The following NRAP variants were observed in gnomAD, a reference collection of about 807,000 sequenced individuals.
NRAP encodes nebulin-related-anchoring protein.
NRAP carries 189 observed loss-of-function variants against 225.9 expected under a neutral mutation model. The observed-to-expected ratio is 0.84, with a 90% CI of 0.74 to 0.94. NRAP has a LOEUF of 0.94. NRAP is among the 40% of genes least tolerant of loss of function. NRAP has a pLI of 0.00. For synonymous variants in NRAP, 769 were observed against 790.7 expected (o/e 0.97, Z 0.46); for missense variants, 2,176 against 2,168.7 (o/e 1.00, Z -0.07).
intron 14 of NRAP, among the ~76,000 whole-genome samples, chr10:113,638,321 C>A (rs954925216): frequency 1.3e-5 from 2 of 152,246 alleles, no homozygotes; most frequent in African/African-American, 4.8e-5. Flanking sequence ...CTTCAGTCTA[C>A]ATTTTGAAGG....
At chr10:113,641,829 G>A (rs914710615) in intron 12 of NRAP, among the ~76,000 whole-genome samples, 7 of 152,118 alleles carry the variant, frequency 4.6e-5, no homozygotes, top group African/African-American at 7.2e-5. Flanking sequence ...CTGACTATGC[G>A]GACGTCACAT....
chr10:113,608,517 AT>A lies in NRAP; in HGVS notation c.3604-6del, dbSNP rs778103274. ...GGGATGCTGCCGATATTTACTCTGA[AT>A]TCACACACAAGAAGGGAAGAAGACG... On this transcript the variant is annotated splice_region_variant and splice_polypyrimidine_tract_variant and intron_variant, in intron 31 of 41. Coordinates refer to ENST00000359988, the MANE Select transcript of NRAP (RefSeq NM_198060.4). 25 of 1,589,218 alleles carry A rather than the reference AT, an allele frequency of 1.6e-5. No individual in the cohort carries two copies. Among genetic ancestry groups the A allele is most frequent in the Non-Finnish European group, 2.1e-5 (24 of 1,158,960 alleles).
rs1846952110 is a variant in NRAP at position 113,606,172 on chromosome 10, GCTTA to G, written c.3807+2_3807+5del. 6.2e-7 allele frequency: 1 copy of G among 1,603,452 alleles called. No individual in the cohort carries two copies. Among genetic ancestry groups the G allele is most frequent in the African/African-American group, 1.3e-5 (1 of 74,700 alleles). On this transcript the variant is annotated splice_donor_variant and splice_donor_5th_base_variant and intron_variant, in intron 33 of 41. Coordinates refer to ENST00000359988, the MANE Select transcript of NRAP (RefSeq NM_198060.4). LOFTEE classifies it high-confidence loss of function. ...ATGCTTGAACTTAAGTAACAAAAGG[GCTTA>G]CGTCACTCAGGTTGGCTGCATTCGT...
chr10:113,652,751 G>A (rs146192618), intron 6 of NRAP, among the ~76,000 whole-genome samples, 184 bp downstream of exon 6: 47 of 152,122 alleles, frequency 3.1e-4, no homozygotes, highest in African/African-American at 1.1e-3. Flanking sequence ...TTATAGACAT[G>A]GTCCAATCAC....
chr10:113,596,729 A>C (rs184011631), intron 37 of NRAP, among the ~76,000 whole-genome samples: 2 of 152,366 alleles, frequency 1.3e-5, no homozygotes, highest in East Asian at 3.9e-4. Context: ...TATGAATCAA[A>C]CCATGATAAG....
intron 4 of NRAP, among the ~76,000 whole-genome samples, chr10:113,656,968 A>G (rs994129000): frequency 6.6e-6 from 1 of 152,150 alleles, no homozygotes. Context: ...ATAAATGGCT[A>G]AGGAATTCTG....
chr10:113,645,862 A>C lies in NRAP; in HGVS notation c.1073T>G (p.Leu358Arg). The change falls in exon 11 of 42, where the codon CTC becomes CGC. Residue 358 changes from leucine to arginine, a missense_variant. Leu to Arg is a moderately radical substitution (Grantham distance 102). Around this residue, in one of 3 missense-constraint regions of NRAP, gnomAD observed 1,708 missense variants for 1,695.5 expected, o/e 1.01. Coordinates refer to ENST00000359988, the MANE Select transcript of NRAP (RefSeq NM_198060.4). ...HSLPAQDNLV[L>R]KQAQSVNKLV... ...TTTGTTTACGCTCTGAGCCTGTTTG[A>C]GAACCAAGTTGTCTTGAGCTGGAAG... 1 of 1,610,316 alleles carries C rather than the reference A, an allele frequency of 6.2e-7. No individual in the cohort carries two copies. Among genetic ancestry groups the C allele is most frequent in the Admixed American group, 1.7e-5 (1 of 59,606 alleles).
Position 113,589,076 on chromosome 10 carries a change from C to T in NRAP, c.5092G>A (p.Gly1698Arg), listed in dbSNP as rs150551078. The T allele has an allele frequency of 1.2e-6, 2 of 1,613,578 alleles. No individual in the cohort carries two copies. Among genetic ancestry groups the T allele is most frequent in the Admixed American group, 1.7e-5 (1 of 59,982 alleles). Residue 1698 changes from glycine (G) to arginine (R), a missense_variant, in exon 42 of 42, where the codon GGG becomes AGG. Transcript: ENST00000359988. ...TCTCCAGCCTCCACTGCTTCTGCCC[C>T]CCGCTGCTGAAATCAAACATACCCC... ...RGLGLQGAYRGAEAVEAGDHQ... is the reference protein window; with the variant it reads ...RGLGLQGAYRRAEAVEAGDHQ...
At chr10:113,650,947 G>A (rs1410101278) in intron 7 of NRAP, among the ~76,000 whole-genome samples, 1 of 152,220 alleles carries the variant, frequency 6.6e-6, no homozygotes, top group Non-Finnish European at 1.5e-5. Context: ...GTGCTTCAAT[G>A]TCCCATTCAG....
Position 113,663,354 on chromosome 10 carries a change from G to T in NRAP, c.165C>A (p.His55Gln), listed in dbSNP as rs368568446. 8 of 1,594,368 alleles carry T rather than the reference G, an allele frequency of 5.0e-6. No individual in the cohort carries two copies. In the African/African-American group the frequency reaches 5.4e-5, roughly 11 times the overall value. The change falls in exon 2 of 42, where the codon CAC becomes CAA. Residue 55 changes from histidine (H) to glutamine (Q), a missense_variant and splice_region_variant. Transcript: ENST00000359988. ...FVSHQKKPYC[H>Q]AHNPKNNTFT... ...TGGTGGGGGCATCAAACACTTACGC[G>T]TGACAGTACGGCTTTTTCTGGTGAC...
intron 37 of NRAP, among the ~76,000 whole-genome samples, chr10:113,596,546 T>C (rs1846293408): frequency 6.6e-6 from 1 of 152,220 alleles, no homozygotes; most frequent in African/African-American, 2.4e-5. Context: ...AGGGCTAAAT[T>C]ATACAGAGAG....
Position 113,645,833 on chromosome 10 carries a change from C to G in NRAP, c.1102G>C (p.Val368Leu), listed in dbSNP as rs200049312. The G allele has an allele frequency of 1.9e-6, 3 of 1,575,600 alleles. No homozygotes were observed. In the African/African-American group the frequency reaches 4.0e-5, roughly 21 times the overall value. Residue 368 changes from valine (V) to leucine (L), a missense_variant, in exon 11 of 42, where the codon GTG (valine) becomes CTG (leucine). Around this residue, in one of 3 missense-constraint regions of NRAP, gnomAD observed 1,708 missense variants for 1,695.5 expected, o/e 1.01. Transcript: ENST00000359988. The stretch of plus-strand genomic sequence containing the variant: ...TCTTCCCCCATACGCACCTCACTCA[C>G]GAGTTTGTTTACGCTCTGAGCCTGT... ...LKQAQSVNKL[V>L]SEVEYKKDLE...
At position 113,640,311 on chromosome 10, in the gene NRAP, A is replaced by G. The variant is rs769934917; in HGVS notation, c.1344T>C (p.Tyr448=). The G allele has an allele frequency of 2.5e-6, 4 of 1,593,750 alleles. No individual in the cohort carries two copies. In the East Asian group the frequency reaches 9.4e-5, roughly 37 times the overall value. The change falls in exon 14 of 42, where the codon TAT becomes TAC. Residue 448 remains tyrosine, a synonymous_variant. Coordinates refer to ENST00000359988, the MANE Select transcript of NRAP (RefSeq NM_198060.4). ...LASNVAYKAD[Y]KHDIVDYNYP... ...AGTTGTAGTCGACAATATCATGTTT[A>G]TAATCAGCTTTGTAGGCAACCTAAA...
chr10:113,629,823 A>G, intron 18 of NRAP, 38 bp from the exon 19 acceptor site: 1 of 1,395,416 alleles, frequency 7.2e-7, no homozygotes, highest in Non-Finnish European at 1.0e-6. Context: ...TTGTTAGTTG[A>G]AGCCCACCCT....
At chr10:113,591,611 A>G (rs7094978) in intron 39 of NRAP, among the ~76,000 whole-genome samples, 2 of 152,232 alleles carry the variant, frequency 1.3e-5, no homozygotes, top group South Asian at 2.1e-4. Flanking sequence ...TCCGTCTAGC[A>G]CTGTGGACAC....
At position 113,631,908 on chromosome 10, in the gene NRAP, C is replaced by T. The variant is rs139136683; in HGVS notation, c.1689G>A (p.Leu563=). 1.8e-5 allele frequency: 29 copies of T among 1,613,824 alleles called. No individual in the cohort carries two copies. The South Asian group carries it at 2.1e-4, about 12-fold the overall frequency. The change falls in exon 17 of 42, where the codon CTG becomes CTA. Residue 563 remains leucine (L), a synonymous_variant. Coordinates refer to ENST00000359988, the MANE Select transcript of NRAP (RefSeq NM_198060.4). ...KTKGKGFEMK[L]DAMSLLAAKA... ...TGGCGGCCAGCAGAGACATGGCATCCAGCTTCATCTCAAATCCTTTCCCCT... is the reference window on the plus strand; with the variant it reads ...TGGCGGCCAGCAGAGACATGGCATCTAGCTTCATCTCAAATCCTTTCCCCT...
At position 113,651,861 on chromosome 10, in the gene NRAP, G is replaced by A. The variant is rs752825681; in HGVS notation, c.617C>T (p.Thr206Met). Residue 206 changes from threonine (T) to methionine (M), a missense_variant, in exon 7 of 42, where the codon ACG becomes ATG. By Grantham distance (81) the Thr-to-Met change is moderately conservative (BLOSUM62 -1). This residue lies in a region of NRAP where 1,708 missense variants were observed against 1,695.5 expected (regional missense o/e 1.01). Coordinates refer to ENST00000359988, the MANE Select transcript of NRAP (RefSeq NM_198060.4). ...TAGCAGCTCAGGAGTATCCACCACC[G>A]TGGAGAACCTGGAGATGCGTTCATC... is the stretch of plus-strand genomic sequence containing the variant. ...GHDERISRFSTVVDTPELLRS... is the reference protein window; with the variant it reads ...GHDERISRFSMVVDTPELLRS... 9.3e-6 allele frequency: 15 copies of A among 1,613,178 alleles called. No individual in the cohort carries two copies. Among genetic ancestry groups the A allele is most frequent in the Middle Eastern group, 1.7e-4 (1 of 6,058 alleles).
chr10:113,607,796 G>A (rs1415417606), intron 32 of NRAP, among the ~76,000 whole-genome samples: 1 of 152,198 alleles, frequency 6.6e-6, no homozygotes, highest in African/African-American at 2.4e-5. Context: ...ACCTGTAAGA[G>A]AGCCACTAAG....
chr10:113,633,106 GT>G lies in NRAP; in HGVS notation c.1609del (p.Thr537ProfsTer25). 1 of 1,597,574 alleles carries G rather than the reference GT, an allele frequency of 6.3e-7. No homozygotes were observed. The highest frequency in any genetic ancestry group is 8.6e-7 in the Non-Finnish European group (1 of 1,165,000). On this transcript the variant is annotated frameshift_variant, in exon 16 of 42. Transcript: ENST00000359988. LOFTEE classifies it high-confidence loss of function. ...QDVPQLVKAK[T>X]NAKLFSEVKY... ...TACCTCACTGAAGAGTTTGGCATTG[GT>G]TTTGGCCTTCACCAGCTGAGGAACA... is the stretch of plus-strand genomic sequence containing the variant.
Sources: gnomAD v4.1 joint callset for allele counts (sites outside exome capture counted in the v4.1 genomes callset) on GRCh38, gnomAD v4.1.1 for gene constraint, gnomAD v4.1.1 regional missense constraint, MANE v1.5 for transcripts, NCBI Gene and HGNC (gene_info 2026-07-23, HGNC 2026-07-21) for gene names.